ADGRE1: variants seen among roughly 807,000 people sequenced by gnomAD.
ADGRE1 encodes adhesion G protein-coupled receptor E1.
In ADGRE1, 82 loss-of-function variants were observed where a neutral mutation model predicts 102.7. That is an observed-to-expected ratio of 0.80 (90% confidence interval 0.67 to 0.96). ADGRE1 has a LOEUF of 0.96. Ranked by LOEUF, ADGRE1 falls within the 40% of genes least tolerant of loss-of-function variation. The pLI is 0.00. For synonymous variants in ADGRE1, 398 were observed against 399.6 expected, an observed-to-expected ratio of 1.00 and a Z score of 0.05; for missense variants, 1,032 against 1,085.3, an observed-to-expected ratio of 0.95 and a Z score of 0.69.
At position 6,928,196 on chromosome 19, in the gene ADGRE1, T is replaced by G; in HGVS notation, c.2274T>G (p.Val758=). The G allele has an allele frequency of 2.5e-6, 4 of 1,614,164 alleles. No homozygotes were observed. The highest frequency in any genetic ancestry group is 3.4e-6 in the Non-Finnish European group (4 of 1,180,008). The change falls in exon 17 of 21, where the codon GTT becomes GTG. Residue 758 remains valine (V), a synonymous_variant. Coordinates refer to ENST00000312053, the MANE Select transcript of ADGRE1 (RefSeq NM_001974.5). ...TCATCTGGAGTTTCTTGGGGCCAGT[T>G]TGCACAGTTATAGTGGTAAGCAAAT... ...TGFIWSFLGP[V]CTVIVINSLL... is the part of the protein sequence containing the mutation.
At chr19:6,890,293 G>A (rs1161476300) in intron 1 of ADGRE1, among the ~76,000 whole-genome samples, 188 bp from the exon 2 acceptor site, 2 of 152,056 alleles carry the variant, frequency 1.3e-5, no homozygotes, top group African/African-American at 4.8e-5. Flanking sequence ...AGAAAACCAG[G>A]AATGGTCATT....
chr19:6,889,687 CAAAAAA>C (rs1178774112), intron 1 of ADGRE1, among the ~76,000 whole-genome samples: 1 of 41,772 alleles, frequency 2.4e-5, no homozygotes, highest in Non-Finnish European at 4.3e-5. Flanking sequence ...GACTCCATCT[CAAAAAA>C]AAAAAAAAAA....
intron 17 of ADGRE1, among the ~76,000 whole-genome samples, chr19:6,934,670 T>C (rs888840217): frequency 6.6e-6 from 1 of 151,544 alleles, no homozygotes; most frequent in Non-Finnish European, 1.5e-5. Flanking sequence ...CAATCTCAGC[T>C]GTCTGCAACC....
rs1435983662 is a variant in ADGRE1, at chr19:6,908,713, A to G, written c.1063A>G (p.Asn355Asp). ...AYVSFCAQIN[N>D]IFSVLDKVCE... The stretch of plus-strand genomic sequence containing the variant: ...GGTCTCCTTTTGTGCACAAATAAAT[A>G]ACATCTTCAGCGTTCTGGACAAAGT... Residue 355 changes from asparagine to aspartate, a missense_variant, in exon 10 of 21, where the codon AAC (asparagine) becomes GAC (aspartate). Physicochemically the swap from Asn to Asp is conservative, Grantham distance 23. Transcript: ENST00000312053. The G allele has an allele frequency of 6.2e-7, 1 of 1,603,782 alleles. No homozygotes were observed.
intron 13 of ADGRE1, among the ~76,000 whole-genome samples, chr19:6,920,663 A>C (rs564281679): frequency 6.6e-5 from 10 of 151,048 alleles, no homozygotes; most frequent in African/African-American, 2.4e-4. Context: ...GGTGCCCACC[A>C]CATGCCCAGC....
At chr19:6,888,812 G>C (rs375566497) in intron 1 of ADGRE1, among the ~76,000 whole-genome samples, 2 of 152,334 alleles carry the variant, frequency 1.3e-5, no homozygotes. Flanking sequence ...GGCTACATTA[G>C]AAGAAATAGG....
At position 6,940,179 on chromosome 19, in the gene ADGRE1, G is replaced by A. The variant is rs1192892993; in HGVS notation, c.*150G>A. On this transcript the variant is annotated 3_prime_UTR_variant, in exon 21 of 21. Transcript: ENST00000312053. ...CCTCTGGGGAAGAATGTTGGGGGCG[G>A]TCTTCCTGTGGTTGTATGCACTGAT... The A allele has an allele frequency of 2.0e-5, 17 of 846,498 alleles. 1 individual carries two copies. The highest frequency in any genetic ancestry group is 2.4e-4 in the Middle Eastern group (1 of 4,150). 52.4% of individuals were successfully genotyped at this position (846,498 alleles called of 1,614,324 possible).
chr19:6,912,347 A>G (rs939528883), intron 10 of ADGRE1, among the ~76,000 whole-genome samples: 9 of 152,194 alleles, frequency 5.9e-5, no homozygotes, highest in African/African-American at 1.9e-4. Context: ...CAAGGTTCAA[A>G]TCGTGGTTCT....
intron 10 of ADGRE1, among the ~76,000 whole-genome samples, chr19:6,909,333 A>G (rs1222899293): frequency 6.6e-6 from 1 of 152,174 alleles, no homozygotes; most frequent in East Asian, 1.9e-4. Flanking sequence ...CAGTTTAATT[A>G]TCTCCAAACA....
At chr19:6,891,709 G>A (rs1048661599) in intron 2 of ADGRE1, among the ~76,000 whole-genome samples, 4 of 152,028 alleles carry the variant, frequency 2.6e-5, no homozygotes, top group African/African-American at 7.2e-5. Flanking sequence ...CCAGCCTTCC[G>A]AAGTGCTGGG....
chr19:6,916,793 AAT>A (rs948985663), intron 12 of ADGRE1, among the ~76,000 whole-genome samples: 4 of 151,338 alleles, frequency 2.6e-5, no homozygotes, highest in Non-Finnish European at 5.9e-5. Flanking sequence ...AAATTTTTAA[AAT>A]ATGCAATATT....
intron 10 of ADGRE1, among the ~76,000 whole-genome samples, chr19:6,909,175 A>C (rs1974082407): frequency 6.6e-6 from 1 of 152,068 alleles, no homozygotes; most frequent in African/African-American, 2.4e-5. Flanking sequence ...CTTTATAATG[A>C]ATGGATTGTG....
At chr19:6,920,244 T>TA (rs1974591892) in intron 13 of ADGRE1, among the ~76,000 whole-genome samples, 4 of 147,894 alleles carry the variant, frequency 2.7e-5, no homozygotes, top group Admixed American at 6.7e-5. Flanking sequence ...TTTTTTTTTT[T>TA]AGTCTCACTC....
chr19:6,924,572 C>A, intron 14 of ADGRE1, 106 bp from the exon 15 acceptor site: 1 of 927,298 alleles, frequency 1.1e-6, no homozygotes, highest in East Asian at 2.6e-5. Context: ...GGAGAAAATT[C>A]CCCCAAGCTA....
chr19:6,934,916 CT>C, intron 17 of ADGRE1, 70 bp from the exon 18 acceptor site: 2 of 1,134,338 alleles, frequency 1.8e-6, no homozygotes, highest in Non-Finnish European at 1.2e-6. Flanking sequence ...CCAGAGTTCT[CT>C]TTTTATAGGT....
At chr19:6,933,780 A>G (rs927603577) in intron 17 of ADGRE1, among the ~76,000 whole-genome samples, 8 of 152,162 alleles carry the variant, frequency 5.3e-5, no homozygotes, top group African/African-American at 1.7e-4. Flanking sequence ...CCTACCGTGC[A>G]CAAGGCAGCC....
At chr19:6,914,652 A>G (rs1974312193) in intron 11 of ADGRE1, among the ~76,000 whole-genome samples, 1 of 152,230 alleles carries the variant, frequency 6.6e-6, no homozygotes, top group Admixed American at 6.5e-5. Context: ...GAACAAAATT[A>G]GCCTCATGAA....
At position 6,924,749 on chromosome 19, in the gene ADGRE1, C is replaced by T. The variant is rs761181614; in HGVS notation, c.1863C>T (p.Ile621=). 14 of 1,614,058 alleles carry T rather than the reference C, an allele frequency of 8.7e-6. No individual in the cohort carries two copies. Among genetic ancestry groups the T allele is most frequent in the Admixed American group, 1.7e-5 (1 of 59,990 alleles). The part of the protein sequence containing the change: ...IISLVCLVLA[I]ATFLLCRSIR... ...CCTTGGTGTGCCTCGTCTTGGCCAT[C>T]GCCACCTTTCTGCTGTGTCGCTCCA... Residue 621 remains isoleucine, a synonymous_variant, in exon 15 of 21, where the codon ATC becomes ATT. Transcript: ENST00000312053.
rs35098506 is a variant in ADGRE1, at chr19:6,909,133, CAA to C, written c.1122+374_1122+375del. ...TTGGCAACAGACTGAGACTCCATCTCAAAAAAAAAAAAAAGAAAGAAAGAAAT... is the reference window on the plus strand; with the variant it reads ...TTGGCAACAGACTGAGACTCCATCTCAAAAAAAAAAAAGAAAGAAAGAAAT... On this transcript the variant is annotated intron_variant, in intron 10 of 20. Transcript: ENST00000312053. Among the ~76,000 whole-genome samples, 61 of 114,180 alleles carry C rather than the reference CAA, an allele frequency of 5.3e-4. 1 individual carries two copies. The highest frequency in any genetic ancestry group is 2.6e-3 in the East Asian group (11 of 4,230). 74.9% of individuals were successfully genotyped at this position (114,180 alleles called of 152,430 possible).
Sources: allele counts gnomAD v4.1 joint callset (sites outside exome capture counted in the v4.1 genomes callset), GRCh38; gene constraint gnomAD v4.1.1; transcripts MANE v1.5; gene names NCBI Gene and HGNC (gene_info 2026-07-23, HGNC 2026-07-21).